Variants in PNPLA6 observed in about 807,000 individuals in gnomAD.
The protein encoded by PNPLA6 is patatin-like phospholipase domain-containing protein 6.
In PNPLA6, 105 loss-of-function variants were observed where a neutral mutation model predicts 153.7. That is an observed-to-expected ratio of 0.68 (90% CI 0.58 to 0.80). PNPLA6 has a LOEUF of 0.80. PNPLA6 is among the 30% of genes least tolerant of loss of function. The probability of loss-of-function intolerance (pLI) is 0.00; values close to 1 mark genes in which losing one functional copy is unlikely to be tolerated. For missense variants in PNPLA6, 1,423 were observed against 1,919.3 expected, an observed-to-expected ratio of 0.74 and a Z score of 4.83; for synonymous variants, 825 against 822.2, an observed-to-expected ratio of 1.00 and a Z score of -0.06.
chr19:7,557,043 C>A, intron 26 of PNPLA6, 125 bp from the exon 27 acceptor site: 1 of 849,564 alleles, frequency 1.2e-6, no homozygotes, highest in Non-Finnish European at 2.0e-6. Context: ...CAAGGACGGG[C>A]ACCTGCTGGT....
At position 7,550,497 on chromosome 19, in the gene PNPLA6, T is replaced by A; in HGVS notation, c.1947-20T>A. ...GGACCTGGGGGTGGTCAGACCTTGC[T>A]GACCTCCACGCCCACTCAGGCAGGG... On this transcript the variant is annotated intron_variant, in intron 15 of 31. Coordinates refer to ENST00000600737, the MANE Select transcript of PNPLA6 (RefSeq NM_001166114.2). 1 of 1,612,896 alleles carries A rather than the reference T, an allele frequency of 6.2e-7. No individual in the cohort carries two copies. Among genetic ancestry groups the A allele is most frequent in the Non-Finnish European group, 8.5e-7 (1 of 1,179,904 alleles).
chr19:7,558,741 C>T, intron 27 of PNPLA6, 109 bp from the exon 28 acceptor site: 1 of 726,196 alleles, frequency 1.4e-6, no homozygotes, highest in Non-Finnish European at 2.3e-6. Context: ...GGTATTCTCT[C>T]TTTTTTTTTT....
intron 16 of PNPLA6, 118 bp downstream of exon 16, chr19:7,550,758 T>G (rs1408587977): frequency 1.5e-6 from 2 of 1,349,976 alleles, no homozygotes; most frequent in Non-Finnish European, 2.0e-6. Flanking sequence ...ACCTCTGAGG[T>G]CACCCAGTCC....
intron 13 of PNPLA6, 92 bp downstream of exon 13, chr19:7,543,176 C>A: frequency 9.1e-7 from 1 of 1,094,172 alleles, no homozygotes; most frequent in Non-Finnish European, 1.4e-6. Context: ...ACTGTAAGAC[C>A]AGCACCTTCT....
At chr19:7,536,621 GTGT>G in intron 3 of PNPLA6, 75 bp downstream of exon 3, 1 of 988,264 alleles carries the variant, frequency 1.0e-6, no homozygotes, top group Non-Finnish European at 1.6e-6. Context: ...TTACACCAAA[GTGT>G]TGTGGAAGTC....
chr19:7,542,430 G>A (rs2023193087), intron 10 of PNPLA6, 131 bp from the exon 11 acceptor site: 2 of 744,504 alleles, frequency 2.7e-6, no homozygotes, highest in African/African-American at 3.5e-5. Context: ...GAACTCCTAT[G>A]CTCAAGTGAT....
chr19:7,555,315 A>C lies in PNPLA6; in HGVS notation c.2884A>C (p.Arg962=), dbSNP rs1599305157. 1 of 1,561,242 alleles carries C rather than the reference A, an allele frequency of 6.4e-7. No homozygotes were observed. Among genetic ancestry groups the C allele is most frequent in the African/African-American group, 1.4e-5 (1 of 70,460 alleles). Reference sequence around the variant, plus strand: ...GCACAGCGACTTCTCCCGCTTGGCGAGGGTGCTCACGGGGAACACCATTGC... The same window carrying C: ...GCACAGCGACTTCTCCCGCTTGGCGCGGGTGCTCACGGGGAACACCATTGC... ...DRHSDFSRLA[R]VLTGNTIALV... The change falls in exon 23 of 32, where the codon AGG becomes CGG. Residue 962 remains arginine (R), a synonymous_variant. Coordinates refer to ENST00000600737, the MANE Select transcript of PNPLA6 (RefSeq NM_001166114.2). The surrounding 1 kb of genome is among the most constrained non-coding windows in gnomAD (Gnocchi z 6.3).
Position 7,549,508 on chromosome 19 carries a change from AG to A in PNPLA6, c.1609-398del. On this transcript the variant is annotated intron_variant, in intron 13 of 31. Transcript: ENST00000600737. The stretch of plus-strand genomic sequence containing the variant: ...GCCTTCTTCTTCTTTTTTTTTTTAA[AG>A]ACAGTGTCTCACTCTGTCGCCCAGG... 3.1e-5 allele frequency among the ~76,000 whole-genome samples: 2 copies of A among 65,420 alleles called. 1 individual carries two copies. The allele number at this position is 65,420 out of a possible 152,430, so 42.9% of individuals were successfully genotyped here.
Position 7,549,822 on chromosome 19 carries a change from A to G in PNPLA6, c.1609-85A>G, listed in dbSNP as rs554286753. ...TTTCTTAACCCTTCCTTTCTTCTTT[A>G]ATTTTTTCCTGTGGGGGCATGTTGA... On this transcript the variant is annotated intron_variant, in intron 13 of 31. Coordinates refer to ENST00000600737, the MANE Select transcript of PNPLA6 (RefSeq NM_001166114.2). The G allele has an allele frequency of 1.2e-4, 163 of 1,334,310 alleles. No individual in the cohort carries two copies. In the African/African-American group the frequency reaches 2.2e-3, roughly 18 times the overall value. The allele number at this position is 1,334,310 out of a possible 1,614,324, so 82.7% of individuals were successfully genotyped here.
At chr19:7,544,054 C>T (rs1485643564) in intron 13 of PNPLA6, among the ~76,000 whole-genome samples, 1 of 151,694 alleles carries the variant, frequency 6.6e-6, no homozygotes, top group Admixed American at 6.6e-5. Context: ...ACCTCGTGAT[C>T]CGCCCGCCTA....
intron 26 of PNPLA6, 131 bp from the exon 27 acceptor site, chr19:7,557,037 G>T: frequency 1.2e-6 from 1 of 834,056 alleles, no homozygotes; most frequent in Non-Finnish European, 2.1e-6. Context: ...CGACCCCAAG[G>T]ACGGGCACCT....
At position 7,541,177 on chromosome 19, in the gene PNPLA6, C is replaced by A; in HGVS notation, c.924+126C>A. On this transcript the variant is annotated intron_variant, in intron 7 of 31. Transcript: ENST00000600737. This position sits in a 1 kb window ranked among gnomAD's most constrained non-coding sequence, Gnocchi z 5.2. ...TGGAGCTGTGGTTATCGGCCTGGAGCAGCCAGATGTCTGCAGCCGCGGACT... is the reference window on the plus strand; with the variant it reads ...TGGAGCTGTGGTTATCGGCCTGGAGAAGCCAGATGTCTGCAGCCGCGGACT... The A allele has an allele frequency of 8.1e-7, 1 of 1,241,616 alleles. No homozygotes were observed. Among genetic ancestry groups the A allele is most frequent in the Non-Finnish European group, 1.2e-6 (1 of 869,066 alleles). The allele number at this position is 1,241,616 out of a possible 1,614,324, so 76.9% of individuals were successfully genotyped here.
intron 13 of PNPLA6, among the ~76,000 whole-genome samples, chr19:7,548,156 C>A (rs1285378307): frequency 6.6e-6 from 1 of 151,908 alleles, no homozygotes; most frequent in East Asian, 2.0e-4. Flanking sequence ...ACCAGCCTGG[C>A]CAACATGGTG....
At chr19:7,547,720 C>G (rs1024353159) in intron 13 of PNPLA6, among the ~76,000 whole-genome samples, 5 of 151,992 alleles carry the variant, frequency 3.3e-5, no homozygotes, top group African/African-American at 1.2e-4. Flanking sequence ...TCACTGCAAC[C>G]TCAAACATCT....
intron 17 of PNPLA6, 36 bp downstream of exon 17, chr19:7,551,143 G>A (rs945009904): frequency 2.2e-6 from 3 of 1,381,918 alleles, no homozygotes; most frequent in African/African-American, 2.9e-5. Flanking sequence ...AGAGGCGGAG[G>A]CGGGACTCCG....
At chr19:7,546,714 T>G (rs946964077) in intron 13 of PNPLA6, among the ~76,000 whole-genome samples, 1 of 152,102 alleles carries the variant, frequency 6.6e-6, no homozygotes, top group Middle Eastern at 3.2e-3. Flanking sequence ...CGGCCTTATG[T>G]AAGGGCTTCT....
chr19:7,541,262 C>T lies in PNPLA6; in HGVS notation c.925-92C>T. The T allele has an allele frequency of 1.1e-5, 13 of 1,238,000 alleles. No individual in the cohort carries two copies. Among genetic ancestry groups the T allele is most frequent in the South Asian group, 3.8e-5 (3 of 79,266 alleles). The allele number at this position is 1,238,000 out of a possible 1,614,324, so 76.7% of individuals were successfully genotyped here. A position where few individuals can be genotyped will look rare whatever the true frequency, so the allele number is the denominator to read the frequency against. Reference sequence around the variant, plus strand: ...TGTGGGTCTCTCCCTGGTTCCCGCCCGACCCCTTATGCTGCGAACTAGCCC... The same window carrying T: ...TGTGGGTCTCTCCCTGGTTCCCGCCTGACCCCTTATGCTGCGAACTAGCCC... On this transcript the variant is annotated intron_variant, in intron 7 of 31. Transcript: ENST00000600737. This position sits in a 1 kb window ranked among gnomAD's most constrained non-coding sequence, Gnocchi z 5.2.
rs1275705081 is a variant in PNPLA6 at position 7,539,782 on chromosome 19, GTGGCCAGCCTGATT to G, written c.414-127_414-114del. The G allele has an allele frequency of 3.1e-5, 17 of 543,590 alleles. No homozygotes were observed. The Admixed American group carries it at 5.2e-4, about 17-fold the overall frequency. 33.7% of individuals were successfully genotyped at this position (543,590 alleles called of 1,614,324 possible). A position where few individuals can be genotyped will look rare whatever the true frequency, so the allele number is the denominator to read the frequency against. On this transcript the variant is annotated intron_variant, in intron 3 of 31. Coordinates refer to ENST00000600737, the MANE Select transcript of PNPLA6 (RefSeq NM_001166114.2). ...CAAAAAAAAAAAAAAAAAAAAAAAG[GTGGCCAGCCTGATT>G]TGGCCAGCGGGCCAGAGTTTGCTGT... is the stretch of plus-strand genomic sequence containing the variant.
chr19:7,558,422 A>G (rs1415862624), intron 27 of PNPLA6, among the ~76,000 whole-genome samples: 2 of 152,194 alleles, frequency 1.3e-5, no homozygotes, highest in East Asian at 1.9e-4. Flanking sequence ...ACTTGAGGTC[A>G]GGAATTCGAG....
Sources: gnomAD v4.1 joint callset for allele counts (sites outside exome capture counted in the v4.1 genomes callset) on GRCh38, gnomAD v4.1.1 for gene constraint, Gnocchi (gnomAD v3.1) non-coding constraint, MANE v1.5 for transcripts, NCBI Gene and HGNC (gene_info 2026-07-23, HGNC 2026-07-21) for gene names.